Variants in LRRC28 observed in about 807,000 individuals in gnomAD.
The protein encoded by LRRC28 is leucine rich repeat containing 28.
LRRC28 carries 39 observed loss-of-function variants against 45.7 expected under a neutral mutation model. The observed-to-expected ratio is 0.85, with a 90% confidence interval of 0.66 to 1.12. The LOEUF is 1.12. LRRC28 is among the 50% of genes most tolerant of loss of function. The probability of loss-of-function intolerance (pLI) is 0.00; values close to 1 mark genes in which losing one functional copy is unlikely to be tolerated. For synonymous variants in LRRC28, 206 were observed against 178.8 expected (o/e 1.15, Z -1.22); for missense variants, 435 against 438.5 (o/e 0.99, Z 0.07).
intron 2 of LRRC28, chr15:99,258,891 T>C (rs764642066): frequency 1.5e-4 from 106 of 714,380 alleles, no homozygotes; most frequent in Non-Finnish European, 2.5e-4. Flanking sequence ...CGTGATACGA[T>C]GCCTAAGAAC....
chr15:99,319,655 T>C (rs1955724237), intron 5 of LRRC28, among the ~76,000 whole-genome samples: 1 of 104,936 alleles, frequency 9.5e-6, no homozygotes, highest in Non-Finnish European at 1.8e-5. Flanking sequence ...GTCAAAACAG[T>C]GTGGTTTTTT....
chr15:99,381,505 A>G (rs1228755495), intron 9 of LRRC28, among the ~76,000 whole-genome samples: 1 of 152,000 alleles, frequency 6.6e-6, no homozygotes, highest in African/African-American at 2.4e-5. Flanking sequence ...GAGAAGTTTG[A>G]TCTTCTGAAG....
chr15:99,287,662 T>C, intron 4 of LRRC28, 152 bp from the exon 5 acceptor site: 1 of 715,594 alleles, frequency 1.4e-6, no homozygotes, highest in Non-Finnish European at 2.2e-6. Context: ...ATCACTTTCA[T>C]GAACTTAGTT....
At chr15:99,363,309 G>T in intron 9 of LRRC28, 44 bp downstream of exon 9, 1 of 1,603,564 alleles carries the variant, frequency 6.2e-7, no homozygotes. Flanking sequence ...CCCAGGCAAG[G>T]GGTGGCAGGT....
chr15:99,262,282 T>C (rs901811763), intron 2 of LRRC28, among the ~76,000 whole-genome samples: 5 of 152,204 alleles, frequency 3.3e-5, no homozygotes, highest in Admixed American at 6.5e-5. Flanking sequence ...ACATGTTTCA[T>C]AATTCAGAAT....
Position 99,389,095 on chromosome 15 carries a change from A to C in LRRC28, c.*2993A>C, listed in dbSNP as rs1958111632. The C allele has an allele frequency of 2.0e-5, 3 of 152,148 alleles. No homozygotes were observed. The South Asian group carries it at 6.2e-4, about 32-fold the overall frequency. The allele number at this position is 152,148 out of a possible 1,614,324, so 9.4% of individuals were successfully genotyped here. A position where few individuals can be genotyped will look rare whatever the true frequency, so the allele number is the denominator to read the frequency against. On this transcript the variant is annotated 3_prime_UTR_variant, in exon 10 of 10. Coordinates refer to ENST00000301981, the MANE Select transcript of LRRC28 (RefSeq NM_144598.5). Reference sequence around the variant, plus strand: ...GAACCCTGGCTTGGGTGGAGGATCCACTCTGGCTAACGGATAAGAGTGATG... The same window carrying C: ...GAACCCTGGCTTGGGTGGAGGATCCCCTCTGGCTAACGGATAAGAGTGATG...
chr15:99,252,787 C>T (rs2080882542), intron 1 of LRRC28, among the ~76,000 whole-genome samples: 1 of 152,208 alleles, frequency 6.6e-6, no homozygotes, highest in Non-Finnish European at 1.5e-5. Flanking sequence ...TCCCTGGATA[C>T]ATGTGCAGAA....
chr15:99,331,539 C>A (rs1247012530), intron 5 of LRRC28, among the ~76,000 whole-genome samples: 1 of 152,170 alleles, frequency 6.6e-6, no homozygotes, highest in Non-Finnish European at 1.5e-5. Flanking sequence ...CTTTCCATAT[C>A]ATTGCTTTCT....
In LRRC28 at chr15:99,256,135, T is replaced by G. The variant is rs2081013414; in HGVS notation, c.168+10T>G. On this transcript the variant is annotated intron_variant, in intron 2 of 9. Transcript: ENST00000301981. Reference sequence around the variant, plus strand: ...CTCCCTGACATCCTTGGTACAGTATTATATTACACTACTGAAAAATTATTT... The same window carrying G: ...CTCCCTGACATCCTTGGTACAGTATGATATTACACTACTGAAAAATTATTT... The G allele has an allele frequency of 1.3e-6, 2 of 1,584,894 alleles. No individual in the cohort carries two copies. The highest frequency in any genetic ancestry group is 2.7e-5 in the African/African-American group (2 of 73,214).
At chr15:99,381,302 C>T (rs532356896) in intron 9 of LRRC28, among the ~76,000 whole-genome samples, 11 of 152,214 alleles carry the variant, frequency 7.2e-5, no homozygotes, top group Non-Finnish European at 4.4e-5. Flanking sequence ...TCACTGATAC[C>T]CTTTCTTCCA....
At chr15:99,336,408 C>A (rs977772802) in intron 6 of LRRC28, among the ~76,000 whole-genome samples, 1 of 152,178 alleles carries the variant, frequency 6.6e-6, no homozygotes. Context: ...CATGCTGTCT[C>A]CATATTTCAG....
chr15:99,276,291 C>T (rs2081615663), intron 2 of LRRC28, among the ~76,000 whole-genome samples: 1 of 151,920 alleles, frequency 6.6e-6, no homozygotes, highest in Non-Finnish European at 1.5e-5. Context: ...AAACCACCCC[C>T]ACAACCTTGT....
At chr15:99,288,767 C>G (rs1293478491) in intron 5 of LRRC28, among the ~76,000 whole-genome samples, 1 of 152,048 alleles carries the variant, frequency 6.6e-6, no homozygotes, top group African/African-American at 2.4e-5. Context: ...GCAGCCTCCG[C>G]CTCCCGGGTT....
chr15:99,312,768 AT>A (rs2152267309), intron 5 of LRRC28, among the ~76,000 whole-genome samples: 1 of 152,348 alleles, frequency 6.6e-6, no homozygotes, highest in East Asian at 1.9e-4. Context: ...TTTTAGCTAC[AT>A]TATAATTGTA....
chr15:99,353,659 A>G (rs1227568151), intron 7 of LRRC28: 2 of 152,252 alleles, frequency 1.3e-5, no homozygotes, highest in Non-Finnish European at 2.9e-5. Context: ...TAATTCTTCC[A>G]GGTGGCGAAT....
At chr15:99,259,491 C>A in intron 2 of LRRC28, 1 of 1,142,868 alleles carries the variant, frequency 8.7e-7, no homozygotes, top group Non-Finnish European at 1.3e-6. Context: ...AAAGATAAAG[C>A]CATTAAGGAC....
rs775443090 is a variant in LRRC28 at position 99,333,986 on chromosome 15, C to G, written c.449C>G (p.Pro150Arg). The change falls in exon 6 of 10, where the codon CCC (proline) becomes CGC (arginine). Residue 150 changes from proline to arginine, a missense_variant. Pro to Arg is a moderately radical substitution (Grantham distance 103, BLOSUM62 -2). Coordinates refer to ENST00000301981, the MANE Select transcript of LRRC28 (RefSeq NM_144598.5). ...TCTACCAATCGTTTGCTAACTTTAC[C>G]CGAGAGGCTTCACATGTGCCTTTCT... ...DISTNRLLTLPERLHMCLSLQ... is the reference protein window; with the variant it reads ...DISTNRLLTLRERLHMCLSLQ... The G allele has an allele frequency of 6.2e-7, 1 of 1,614,074 alleles. No homozygotes were observed. The highest frequency in any genetic ancestry group is 8.5e-7 in the Non-Finnish European group (1 of 1,180,002).
chr15:99,380,366 CT>C (rs570067091), intron 9 of LRRC28, among the ~76,000 whole-genome samples: 1 of 152,000 alleles, frequency 6.6e-6, no homozygotes, highest in Non-Finnish European at 1.5e-5. Context: ...CAACCCTTGC[CT>C]TTTTTTGTTT....
At chr15:99,313,407 C>G (rs1365731802) in intron 5 of LRRC28, among the ~76,000 whole-genome samples, 1 of 151,990 alleles carries the variant, frequency 6.6e-6, no homozygotes, top group Non-Finnish European at 1.5e-5. Context: ...AAAACTTGAA[C>G]AATTTTGTTG....
Sources: gnomAD v4.1 joint callset for allele counts (sites outside exome capture counted in the v4.1 genomes callset) on GRCh38, gnomAD v4.1.1 for gene constraint, MANE v1.5 for transcripts, NCBI Gene and HGNC (gene_info 2026-07-23, HGNC 2026-07-21) for gene names.